The following ELAPOR2 variants were observed in gnomAD, a reference collection of about 807,000 sequenced individuals.
The protein encoded by ELAPOR2 is endosome/lysosome-associated apoptosis and autophagy regulator family member 2.
Under a neutral mutation model 120.7 loss-of-function variants are expected in ELAPOR2, and 89 were observed. The ratio of observed to expected loss-of-function variants is 0.74; its 90% CI spans 0.62 to 0.88. ELAPOR2 has a LOEUF of 0.88. ELAPOR2 is among the 40% of genes least tolerant of loss of function. The pLI, the probability that ELAPOR2 is intolerant of heterozygous loss-of-function variation, is 0.00. For missense variants in ELAPOR2, 1,134 were observed against 1,251.6 expected (o/e 0.91, Z 1.42); for synonymous variants, 444 against 444.9 (o/e 1.00, Z 0.03).
At chr7:87,050,376 T>C (rs1795065744) in intron 1 of ELAPOR2, among the ~76,000 whole-genome samples, 1 of 152,030 alleles carries the variant, frequency 6.6e-6, no homozygotes. Flanking sequence ...TCTCAGGAGA[T>C]CGAGATCTGG....
At chr7:86,907,797 A>G (rs879944503) in intron 17 of ELAPOR2, 26 bp from the exon 18 acceptor site, 3 of 1,364,056 alleles carry the variant, frequency 2.2e-6, no homozygotes, top group African/African-American at 1.5e-5. Flanking sequence ...TAACATTTTT[A>G]AAAAACAGAT....
intron 11 of ELAPOR2, 95 bp from the exon 12 acceptor site, chr7:86,918,639 G>T: frequency 1.3e-6 from 1 of 760,542 alleles, no homozygotes; most frequent in Non-Finnish European, 2.2e-6. Context: ...TAAAAGCCAT[G>T]CTCTTCTCTT....
chr7:87,057,901 A>C (rs948484939), intron 1 of ELAPOR2, among the ~76,000 whole-genome samples: 2 of 152,218 alleles, frequency 1.3e-5, no homozygotes. Flanking sequence ...CTGGAGGATA[A>C]AGTTTATCTT....
At chr7:87,004,991 C>A (rs1218516230) in intron 1 of ELAPOR2, among the ~76,000 whole-genome samples, 1 of 152,068 alleles carries the variant, frequency 6.6e-6, no homozygotes, top group Non-Finnish European at 1.5e-5. Context: ...CTTCCTAATC[C>A]TTTCAAGGAG....
At chr7:87,043,844 T>A (rs2129016221) in intron 1 of ELAPOR2, among the ~76,000 whole-genome samples, 1 of 151,720 alleles carries the variant, frequency 6.6e-6, no homozygotes, top group South Asian at 2.1e-4. Context: ...ACGACATGAC[T>A]GTATATCTAG....
At chr7:86,963,372 T>C (rs2116474688) in intron 2 of ELAPOR2, among the ~76,000 whole-genome samples, 1 of 152,316 alleles carries the variant, frequency 6.6e-6, no homozygotes, top group Non-Finnish European at 1.5e-5. Flanking sequence ...AGCCAACAAA[T>C]GTAATCAGTG....
intron 10 of ELAPOR2, among the ~76,000 whole-genome samples, chr7:86,924,407 A>ACACACACACAC (rs1562925116): frequency 1.3e-5 from 2 of 151,274 alleles, no homozygotes; most frequent in East Asian, 1.9e-4. Context: ...ACACACACAC[A>ACACACACACAC]AATGTATTAG....
rs180914263 is a variant in ELAPOR2 at position 86,914,435 on chromosome 7, T to C, written c.1731+288A>G. ...GAAAGCTTTAAAAACAAGTTATTTT[T>C]AGAGAACTGCAAAATTAGATTTTCC... On this transcript the variant is annotated intron_variant, in intron 13 of 21. Coordinates refer to ENST00000450689, the MANE Select transcript of ELAPOR2 (RefSeq NM_001142749.3). Among the ~76,000 whole-genome samples the C allele has an allele frequency of 3.1e-4, 47 of 152,316 alleles. No homozygotes were observed. In the East Asian group the frequency reaches 8.9e-3, roughly 29 times the overall value.
At chr7:86,953,836 G>A (rs1402931826) in intron 2 of ELAPOR2, among the ~76,000 whole-genome samples, 1 of 152,094 alleles carries the variant, frequency 6.6e-6, no homozygotes, top group Non-Finnish European at 1.5e-5. Context: ...CTTAACAGTG[G>A]CCTCAAGTAT....
At chr7:87,048,244 A>G (rs949939811) in intron 1 of ELAPOR2, among the ~76,000 whole-genome samples, 10 of 136,926 alleles carry the variant, frequency 7.3e-5, no homozygotes, top group Non-Finnish European at 1.3e-4. Flanking sequence ...CTTCATCTAG[A>G]AAAAAAAAAA....
chr7:86,909,757 T>C (rs963238628), intron 16 of ELAPOR2, 55 bp downstream of exon 16: 74 of 1,389,350 alleles, frequency 5.3e-5, no homozygotes, highest in African/African-American at 3.8e-4. Context: ...AAGTTATTCA[T>C]AGCATAATTT....
intron 1 of ELAPOR2, among the ~76,000 whole-genome samples, chr7:86,994,849 T>C (rs1405525764): frequency 6.6e-6 from 1 of 152,194 alleles, no homozygotes; most frequent in Non-Finnish European, 1.5e-5. Context: ...TCCTGACCCA[T>C]ACTTCATTCA....
chr7:86,922,519 C>A (rs1057328255), intron 10 of ELAPOR2, among the ~76,000 whole-genome samples: 1 of 151,740 alleles, frequency 6.6e-6, no homozygotes, highest in African/African-American at 2.4e-5. Flanking sequence ...CACTTTCTTT[C>A]AACGCATACA....
chr7:87,059,486 G>C lies in ELAPOR2; in HGVS notation c.28C>G (p.Arg10Gly). 8.3e-7 allele frequency: 1 copy of C among 1,210,350 alleles called. No homozygotes were observed. Among genetic ancestry groups the C allele is most frequent in the Non-Finnish European group, 1.0e-6 (1 of 973,022 alleles). The allele number at this position is 1,210,350 out of a possible 1,614,324, so 75.0% of individuals were successfully genotyped here. MLFRARGPVRGRGWGRPAEA... is the reference protein window; with the variant it reads MLFRARGPVGGRGWGRPAEA... ...GCCGGCCGCCCCCAGCCCCTGCCCC[G>C]TACCGGCCCCCGGGCGCGGAACAGC... Residue 10 changes from arginine to glycine, a missense_variant, in exon 1 of 22, where the codon CGG becomes GGG. By Grantham distance (125) the Arg-to-Gly change is moderately radical. Coordinates refer to ENST00000450689, the MANE Select transcript of ELAPOR2 (RefSeq NM_001142749.3).
chr7:87,005,110 G>A (rs1447479336), intron 1 of ELAPOR2, among the ~76,000 whole-genome samples: 1 of 152,076 alleles, frequency 6.6e-6, no homozygotes, highest in Non-Finnish European at 1.5e-5. Flanking sequence ...AATGATTTAT[G>A]AAATGTGACC....
intron 1 of ELAPOR2, among the ~76,000 whole-genome samples, chr7:87,043,721 T>TCA (rs201501271): frequency 0.057 from 8,292 of 144,522 alleles, 321 homozygotes; most frequent in East Asian, 0.093. Context: ...ATGCCCTCTC[T>TCA]CCACTCCTAT....
intron 8 of ELAPOR2, among the ~76,000 whole-genome samples, chr7:86,927,866 A>G (rs1790146478): frequency 6.6e-6 from 1 of 152,044 alleles, no homozygotes; most frequent in African/African-American, 2.4e-5. Flanking sequence ...ATAATCTGCT[A>G]AAAGTATTTT....
At chr7:86,994,950 GA>G (rs1383401832) in intron 1 of ELAPOR2, among the ~76,000 whole-genome samples, 1 of 152,074 alleles carries the variant, frequency 6.6e-6, no homozygotes, top group African/African-American at 2.4e-5. Flanking sequence ...GTTTTAAAAA[GA>G]AAACCGAGCT....
intron 1 of ELAPOR2, among the ~76,000 whole-genome samples, chr7:86,995,518 G>A (rs1246341539): frequency 6.6e-6 from 1 of 152,198 alleles, no homozygotes; most frequent in Non-Finnish European, 1.5e-5. Context: ...CAAGCTGGAA[G>A]GGCAACTGGT....
Sources: gnomAD v4.1 joint callset for allele counts (sites outside exome capture counted in the v4.1 genomes callset) on GRCh38, gnomAD v4.1.1 for gene constraint, MANE v1.5 for transcripts, NCBI Gene and HGNC (gene_info 2026-07-23, HGNC 2026-07-21) for gene names.